Variants in C10orf143 observed in about 807,000 individuals in gnomAD.
C10orf143 encodes chromosome 10 open reading frame 143.
chr10:130,076,893 G>A (rs1861127404), intron 3 of C10orf143, among the ~76,000 whole-genome samples: 1 of 152,130 alleles, frequency 6.6e-6, no homozygotes, highest in African/African-American at 2.4e-5. Context: ...TCCTCTACGA[G>A]ACTTGCAGCC....
chr10:130,079,493 C>G, intron 3 of C10orf143, 73 bp downstream of exon 3: 1 of 398,478 alleles, frequency 2.5e-6, no homozygotes, highest in Non-Finnish European at 4.4e-6. Context: ...TTTTTATTAA[C>G]TTTGTTTTAT....
chr10:130,066,183 T>TG (rs1860930669), intron 3 of C10orf143: 1 of 76,224 alleles, frequency 1.3e-5, no homozygotes, highest in Admixed American at 1.1e-4. Context: ...GAGACCTGGA[T>TG]TTTTTTTTTT....
At chr10:130,041,226 C>G (rs997030751) in intron 3 of C10orf143, among the ~76,000 whole-genome samples, 3 of 152,206 alleles carry the variant, frequency 2.0e-5, no homozygotes, top group African/African-American at 7.2e-5. Context: ...GTTCCTGAGT[C>G]CAGATGGTTT....
intron 3 of C10orf143, among the ~76,000 whole-genome samples, chr10:130,074,147 A>G (rs1861076717): frequency 6.6e-6 from 1 of 152,184 alleles, no homozygotes; most frequent in South Asian, 2.1e-4. Flanking sequence ...AAACACACTG[A>G]TCAGCCAAAA....
At chr10:130,081,277 T>C (rs1861204080) in intron 1 of C10orf143, among the ~76,000 whole-genome samples, 1 of 152,008 alleles carries the variant, frequency 6.6e-6, no homozygotes, top group Non-Finnish European at 1.5e-5. Flanking sequence ...GAAGACATAA[T>C]GCTCATGAAC....
rs552668092 is a variant in C10orf143, at chr10:130,108,201, C to A, written c.69+2503G>T. 1.2e-5 allele frequency: 19 copies of A among 1,561,662 alleles called. No homozygotes were observed. The Admixed American group carries it at 1.8e-4, about 15-fold the overall frequency. ...ATGAGAAGAGCACCTCCTTTCCCCCCACCTCCTCCAGGAACCAGGTTTGGA... is the reference window on the plus strand; with the variant it reads ...ATGAGAAGAGCACCTCCTTTCCCCCAACCTCCTCCAGGAACCAGGTTTGGA... On this transcript the variant is annotated intron_variant, in intron 1 of 3. Coordinates refer to ENST00000637128, the MANE Select transcript of C10orf143 (RefSeq NM_001355042.2).
intron 1 of C10orf143, among the ~76,000 whole-genome samples, chr10:130,080,103 T>A (rs1307227911): frequency 6.6e-6 from 1 of 152,256 alleles, no homozygotes; most frequent in African/African-American, 2.4e-5. Flanking sequence ...ATTTCTTGCA[T>A]TGCCTGATAT....
chr10:130,103,271 G>A (rs1181637642), intron 1 of C10orf143, among the ~76,000 whole-genome samples: 2 of 152,202 alleles, frequency 1.3e-5, no homozygotes, highest in South Asian at 2.1e-4. Context: ...GAGCTACCAC[G>A]CACAGCTGAG....
chr10:130,040,077 T>A (rs73385373), intron 3 of C10orf143, among the ~76,000 whole-genome samples: 5,519 of 152,126 alleles, frequency 0.036, 345 homozygotes, highest in African/African-American at 0.13. Context: ...ATGGGCTGAG[T>A]GCACTCATCA....
Position 130,065,630 on chromosome 10 carries a change from T to G in C10orf143, c.298-1247A>C, listed in dbSNP as rs1285748341. On this transcript the variant is annotated intron_variant, in intron 3 of 3. Coordinates refer to ENST00000637128, the MANE Select transcript of C10orf143 (RefSeq NM_001355042.2). The surrounding 1 kb of genome is among the most constrained non-coding windows in gnomAD (Gnocchi z 4.2). ...AACAGGCCTGCGCTTCCCAGAATATTCCCAGAATCACATGTGTAGCAGGTA... is the reference window on the plus strand; with the variant it reads ...AACAGGCCTGCGCTTCCCAGAATATGCCCAGAATCACATGTGTAGCAGGTA... 1 of 152,190 alleles carries G rather than the reference T, an allele frequency of 6.6e-6. No homozygotes were observed. Among genetic ancestry groups the G allele is most frequent in the Non-Finnish European group, 1.5e-5 (1 of 68,060 alleles). 9.4% of individuals were successfully genotyped at this position (152,190 alleles called of 1,614,324 possible).
intron 3 of C10orf143, chr10:130,067,633 C>T (rs1410297769): frequency 2.0e-5 from 3 of 152,208 alleles, no homozygotes; most frequent in African/African-American, 7.2e-5. Flanking sequence ...CCACAAAACA[C>T]TGTCCCTTCT....
chr10:130,083,535 C>T (rs913830467), intron 1 of C10orf143, among the ~76,000 whole-genome samples: 2 of 152,162 alleles, frequency 1.3e-5, no homozygotes, highest in Admixed American at 6.5e-5. Context: ...ATGGTACATC[C>T]AAGCAACGAA....
intron 3 of C10orf143, among the ~76,000 whole-genome samples, chr10:130,054,954 G>A (rs1860778806): frequency 1.3e-5 from 2 of 152,014 alleles, no homozygotes; most frequent in South Asian, 4.2e-4. Flanking sequence ...ATATAAAATG[G>A]GGGAAATACA....
chr10:130,047,573 C>T (rs995602376), intron 3 of C10orf143, among the ~76,000 whole-genome samples: 2 of 152,178 alleles, frequency 1.3e-5, no homozygotes, highest in African/African-American at 2.4e-5. Context: ...ACTAAGGCCC[C>T]CCGCACTCCA....
chr10:130,087,976 G>T (rs886461416), intron 1 of C10orf143, among the ~76,000 whole-genome samples: 2 of 152,150 alleles, frequency 1.3e-5, no homozygotes, highest in African/African-American at 4.8e-5. Context: ...AGTCAGCAAA[G>T]CAAGAAAATG....
chr10:130,083,590 G>A (rs1335907574), intron 1 of C10orf143, among the ~76,000 whole-genome samples: 1 of 152,148 alleles, frequency 6.6e-6, no homozygotes, highest in Non-Finnish European at 1.5e-5. Context: ...TCCATGAACT[G>A]GTCTAGAGTG....
chr10:130,040,841 A>AAT (rs1860598565), intron 3 of C10orf143, among the ~76,000 whole-genome samples: 1 of 151,896 alleles, frequency 6.6e-6, no homozygotes, highest in South Asian at 2.1e-4. Context: ...AAAAAAAAAA[A>AAT]AGGTAGAATG....
downstream of C10orf143, among the ~76,000 whole-genome samples, chr10:130,060,577 A>C (rs1860843143): frequency 6.6e-6 from 1 of 152,172 alleles, no homozygotes; most frequent in South Asian, 2.1e-4. Flanking sequence ...TAATCCCAGC[A>C]CTTTGGGAGG....
intron 1 of C10orf143, among the ~76,000 whole-genome samples, chr10:130,088,011 C>T (rs1861319698): frequency 6.6e-6 from 1 of 152,242 alleles, no homozygotes; most frequent in East Asian, 1.9e-4. Flanking sequence ...ATCAAACACA[C>T]TGAATTAAGC....
Sources: allele counts gnomAD v4.1 joint callset (sites outside exome capture counted in the v4.1 genomes callset), GRCh38; gene constraint gnomAD v4.1.1; non-coding constraint Gnocchi (gnomAD v3.1); transcripts MANE v1.5; gene names NCBI Gene and HGNC (gene_info 2026-07-23, HGNC 2026-07-21).